Variants in DLG2 observed in about 807,000 individuals in gnomAD.
DLG2 encodes disks large homolog 2.
In DLG2, 45 loss-of-function variants were observed where a neutral mutation model predicts 132.5. The observed-to-expected ratio is 0.34, with a 90% CI of 0.27 to 0.44. The LOEUF is 0.44. Among genes scored for constraint, DLG2 ranks in the 20% least tolerant of loss-of-function variants. DLG2 has a pLI of 1.00. For missense variants in DLG2, 1,045 were observed against 1,196.9 expected (o/e 0.87, Z 1.87); for synonymous variants, 424 against 419.6 (o/e 1.01, Z -0.13).
At position 83,455,891 on chromosome 11, in the gene DLG2, T is replaced by C. The variant is rs907038020; in HGVS notation, c.*3927A>G. The C allele has an allele frequency of 5.2e-5, 8 of 152,448 alleles. No individual in the cohort carries two copies. The highest frequency in any genetic ancestry group is 1.7e-4 in the African/African-American group (7 of 41,444). The allele number at this position is 152,448 out of a possible 1,614,324, so 9.4% of individuals were successfully genotyped here. On this transcript the variant is annotated 3_prime_UTR_variant, in exon 28 of 28. Coordinates refer to ENST00000376104, the MANE Select transcript of DLG2 (RefSeq NM_001142699.3). ...AAATTAATGTGATCAACTTAGGAAT[T>C]AGCCTGAGTCCTTGGCTTAAATATA...
At chr11:85,502,188 T>G (rs2093820013) in intron 3 of DLG2, among the ~76,000 whole-genome samples, 1 of 151,864 alleles carries the variant, frequency 6.6e-6, no homozygotes, top group South Asian at 2.1e-4. Flanking sequence ...AAACAGCTCA[T>G]GTTTTCATTC....
At chr11:84,491,203 C>A (rs2099164160) in intron 7 of DLG2, among the ~76,000 whole-genome samples, 1 of 152,026 alleles carries the variant, frequency 6.6e-6, no homozygotes, top group South Asian at 2.1e-4. Context: ...TCTTGAATTC[C>A]CACGTATTGT....
At chr11:85,066,393 T>C (rs1010176190) in intron 6 of DLG2, among the ~76,000 whole-genome samples, 10 of 151,684 alleles carry the variant, frequency 6.6e-5, no homozygotes, top group Admixed American at 1.3e-4. Context: ...ACAAACGCTA[T>C]TGAAATTGTT....
intron 7 of DLG2, among the ~76,000 whole-genome samples, chr11:84,499,718 C>G (rs945049267): frequency 3.3e-5 from 5 of 152,176 alleles, no homozygotes; most frequent in African/African-American, 1.2e-4. Flanking sequence ...CTCTTTCTGT[C>G]TCTCTCTGTT....
At chr11:84,908,870 C>A (rs2091808249) in intron 6 of DLG2, among the ~76,000 whole-genome samples, 1 of 151,086 alleles carries the variant, frequency 6.6e-6, no homozygotes, top group African/African-American at 2.4e-5. Flanking sequence ...TCAACAAAAT[C>A]TTTGTTTATA....
intron 3 of DLG2, among the ~76,000 whole-genome samples, chr11:85,438,518 C>A (rs2091609334): frequency 6.6e-6 from 1 of 152,084 alleles, no homozygotes; most frequent in South Asian, 2.1e-4. Context: ...ATTACTTTTG[C>A]ACCAACCTAT....
Position 84,584,674 on chromosome 11 carries a change from C to CTT in DLG2, c.358-49945_358-49944dup, listed in dbSNP as rs71036428. On this transcript the variant is annotated intron_variant, in intron 6 of 27. Transcript: ENST00000376104. ...AGCTGCTGTACCTGGCCCAGCATTC[C>CTT]TTTTTTTTTTTTTTTTTTTTTTTTT... is the stretch of plus-strand genomic sequence containing the variant. 2.7e-3 allele frequency among the ~76,000 whole-genome samples: 150 copies of CTT among 55,870 alleles called. 6 individuals carry two copies. Among genetic ancestry groups the CTT allele is most frequent in the Non-Finnish European group, 3.8e-3 (123 of 32,556 alleles). 36.7% of individuals were successfully genotyped at this position (55,870 alleles called of 152,430 possible).
At chr11:83,868,981 G>A (rs771659781) in intron 16 of DLG2, among the ~76,000 whole-genome samples, 53 of 152,112 alleles carry the variant, frequency 3.5e-4, no homozygotes, top group Non-Finnish European at 1.5e-4. Context: ...AAAAGTTTAC[G>A]CTCCATAACT....
intron 7 of DLG2, among the ~76,000 whole-genome samples, chr11:84,409,028 C>A (rs1192879229): frequency 6.6e-6 from 1 of 152,170 alleles, no homozygotes; most frequent in East Asian, 1.9e-4. Flanking sequence ...TTTACAAAGG[C>A]CTTCAATGAT....
intron 21 of DLG2, among the ~76,000 whole-genome samples, chr11:83,513,966 A>G (rs1252103638): frequency 5.9e-5 from 9 of 151,880 alleles, no homozygotes; most frequent in Non-Finnish European, 1.3e-4. Flanking sequence ...GTAGCGTGAT[A>G]CCTCCAGCTT....
At chr11:84,990,065 T>C (rs372857765) in intron 6 of DLG2, among the ~76,000 whole-genome samples, 32 of 152,318 alleles carry the variant, frequency 2.1e-4, no homozygotes, top group African/African-American at 7.0e-4. Context: ...ATTAAGAAGA[T>C]GAAAGCTACA....
At chr11:83,617,211 T>A (rs2060953177) in intron 19 of DLG2, among the ~76,000 whole-genome samples, 1 of 152,256 alleles carries the variant, frequency 6.6e-6, no homozygotes, top group South Asian at 2.1e-4. Flanking sequence ...GAGATGTTGA[T>A]AGGAATTGCA....
intron 7 of DLG2, among the ~76,000 whole-genome samples, chr11:84,313,533 A>AAAGG (rs1295106869): frequency 8.8e-6 from 1 of 113,704 alleles, no homozygotes; most frequent in African/African-American, 3.5e-5. Flanking sequence ...AGAGAGGAAG[A>AAAGG]AAGGAAGGAA....
At chr11:85,020,329 ATTTG>A (rs1486016839) in intron 6 of DLG2, among the ~76,000 whole-genome samples, 4 of 151,990 alleles carry the variant, frequency 2.6e-5, no homozygotes, top group Non-Finnish European at 4.4e-5. Context: ...TTTCTTGTAA[ATTTG>A]TTTAAGTTCT....
At chr11:84,740,110 G>T (rs1350409333) in intron 6 of DLG2, among the ~76,000 whole-genome samples, 1 of 151,904 alleles carries the variant, frequency 6.6e-6, no homozygotes, top group Non-Finnish European at 1.5e-5. Flanking sequence ...AAGGAAGGTT[G>T]CAAGAAAGGA....
At chr11:84,897,309 TTAA>T (rs1050542163) in intron 6 of DLG2, among the ~76,000 whole-genome samples, 1 of 151,940 alleles carries the variant, frequency 6.6e-6, no homozygotes, top group Non-Finnish European at 1.5e-5. Context: ...ATCCATTGTA[TTAA>T]TAAGTCACAA....
At chr11:84,720,337 C>T in intron 6 of DLG2, 1 of 985,490 alleles carries the variant, frequency 1.0e-6, no homozygotes, top group Non-Finnish European at 1.2e-6. Flanking sequence ...TTGGTGCAAG[C>T]AACTTTGCAG....
At chr11:84,878,580 T>C (rs529607041) in intron 6 of DLG2, among the ~76,000 whole-genome samples, 12 of 151,896 alleles carry the variant, frequency 7.9e-5, no homozygotes, top group Non-Finnish European at 1.5e-4. Flanking sequence ...AGGGGAGGGA[T>C]AGCATTAGGA....
At chr11:85,350,258 TG>T (rs1596438908) in intron 3 of DLG2, among the ~76,000 whole-genome samples, 1 of 152,232 alleles carries the variant, frequency 6.6e-6, no homozygotes, top group African/African-American at 2.4e-5. Flanking sequence ...TTGATGCAGT[TG>T]TTTTTTTCTT....
Sources: allele counts gnomAD v4.1 joint callset (sites outside exome capture counted in the v4.1 genomes callset), GRCh38; gene constraint gnomAD v4.1.1; transcripts MANE v1.5; gene names NCBI Gene and HGNC (gene_info 2026-07-23, HGNC 2026-07-21).